FAT3: variants seen among roughly 807,000 people sequenced by gnomAD.
FAT3 encodes protocadherin Fat 3.
In FAT3, 95 loss-of-function variants were observed where a neutral mutation model predicts 310.2. The observed-to-expected ratio is 0.31, with a 90% CI of 0.26 to 0.36. The LOEUF is 0.36. Among genes scored for constraint, FAT3 ranks in the 10% least tolerant of loss-of-function variants. The pLI, the probability that FAT3 is intolerant of heterozygous loss-of-function variation, is 1.00. For synonymous variants in FAT3, 2,314 were observed against 2,192.9 expected (o/e 1.06, Z -1.54); for missense variants, 5,408 against 5,715.6 (o/e 0.95, Z 1.74).
intron 3 of FAT3, among the ~76,000 whole-genome samples, chr11:92,647,793 A>G (rs906085983): frequency 6.6e-6 from 1 of 152,154 alleles, no homozygotes; most frequent in African/African-American, 2.4e-5. Context: ...GGAACGCAGG[A>G]AACAGTAGAC....
intron 19 of FAT3, among the ~76,000 whole-genome samples, chr11:92,854,415 G>C (rs987884403): frequency 1.8e-4 from 28 of 152,258 alleles, no homozygotes; most frequent in African/African-American, 6.5e-4. Flanking sequence ...CAGTAGGGGG[G>C]TGGGGCTCCC....
intron 2 of FAT3, among the ~76,000 whole-genome samples, chr11:92,407,495 G>A (rs1242461258): frequency 6.6e-6 from 1 of 152,144 alleles, no homozygotes; most frequent in African/African-American, 2.4e-5. Flanking sequence ...TTCAGCACTT[G>A]TACCTTTGCT....
chr11:92,345,426 C>T (rs1948388177), intron 1 of FAT3, among the ~76,000 whole-genome samples: 1 of 152,102 alleles, frequency 6.6e-6, no homozygotes, highest in African/African-American at 2.4e-5. Context: ...ATATTTAGAG[C>T]AGTGGTTCTC....
intron 4 of FAT3, among the ~76,000 whole-genome samples, chr11:92,716,857 A>T (rs768243944): frequency 6.6e-6 from 1 of 152,228 alleles, no homozygotes; most frequent in Admixed American, 6.5e-5. Flanking sequence ...GTGAATAACA[A>T]CTGATAGAAC....
intron 2 of FAT3, chr11:92,498,734 A>G (rs1440171017): frequency 1.3e-5 from 2 of 153,164 alleles, no homozygotes; most frequent in Middle Eastern, 6.6e-3. Flanking sequence ...GACTCACCTC[A>G]ATCAGTCCAC....
At chr11:92,743,389 G>A (rs1591672932) in intron 4 of FAT3, among the ~76,000 whole-genome samples, 2 of 152,208 alleles carry the variant, frequency 1.3e-5, no homozygotes, top group African/African-American at 4.8e-5. Context: ...AGGCAATATT[G>A]GAGTCAGGGA....
intron 3 of FAT3, among the ~76,000 whole-genome samples, chr11:92,667,538 G>T (rs1208865567): frequency 6.6e-6 from 1 of 152,220 alleles, no homozygotes; most frequent in Non-Finnish European, 1.5e-5. Context: ...CCCTTTGGAA[G>T]TTTGAAGCCA....
chr11:92,880,322 G>A (rs992076795), intron 22 of FAT3, among the ~76,000 whole-genome samples: 2 of 147,526 alleles, frequency 1.4e-5, no homozygotes, highest in Non-Finnish European at 3.0e-5. Context: ...AGGGGCACAC[G>A]AGATAGGACA....
At chr11:92,411,847 A>G (rs1489009579) in intron 2 of FAT3, among the ~76,000 whole-genome samples, 1 of 151,946 alleles carries the variant, frequency 6.6e-6, no homozygotes, top group Non-Finnish European at 1.5e-5. Context: ...CATATTTTGT[A>G]TAATAGCCTT....
intron 3 of FAT3, among the ~76,000 whole-genome samples, chr11:92,575,957 T>C (rs1264652317): frequency 6.6e-6 from 1 of 152,134 alleles, no homozygotes; most frequent in Non-Finnish European, 1.5e-5. Context: ...CATACTTAGT[T>C]TGAGGTTTAC....
intron 2 of FAT3, among the ~76,000 whole-genome samples, chr11:92,375,701 G>A (rs948374300): frequency 6.6e-6 from 1 of 152,192 alleles, no homozygotes; most frequent in African/African-American, 2.4e-5. Flanking sequence ...TTACTGACAT[G>A]GCTGTAAGTA....
intron 2 of FAT3, among the ~76,000 whole-genome samples, chr11:92,388,567 T>G (rs929895592): frequency 2.0e-5 from 3 of 152,212 alleles, no homozygotes; most frequent in African/African-American, 7.2e-5. Flanking sequence ...CAACAGAATT[T>G]ATTTAGGATT....
chr11:92,559,547 G>C, intron 3 of FAT3: 1 of 286,960 alleles, frequency 3.5e-6, no homozygotes. Context: ...GCCATGCCCA[G>C]CTACTTTTTT....
At chr11:92,574,390 A>G (rs118091893) in intron 3 of FAT3, among the ~76,000 whole-genome samples, 3,961 of 152,228 alleles carry the variant, frequency 0.026, 78 homozygotes, top group Non-Finnish European at 0.042. Flanking sequence ...GTGGCTCCAA[A>G]TGCCTTAACC....
chr11:92,837,212 A>G lies in FAT3; in HGVS notation c.10225-451A>G, dbSNP rs59335390. ...AAAAGGATGACATGGCAATGATGCT[A>G]AAAAGCAGATAGACTCTACTGGGTG... On this transcript the variant is annotated intron_variant, in intron 16 of 27. Coordinates refer to ENST00000525166, the MANE Select transcript of FAT3 (RefSeq NM_001367949.2). 2.6e-4 allele frequency among the ~76,000 whole-genome samples: 40 copies of G among 152,368 alleles called. No individual in the cohort carries two copies. In the East Asian group the frequency reaches 7.5e-3, roughly 29 times the overall value.
At position 92,431,606 on chromosome 11, in the gene FAT3, T is replaced by A. The variant is rs1950780821; in HGVS notation, c.3292+76202T>A. Among the ~76,000 whole-genome samples, 5 of 152,170 alleles carry A rather than the reference T, an allele frequency of 3.3e-5. No individual in the cohort carries two copies. The South Asian group carries it at 1.0e-3, about 32-fold the overall frequency. On this transcript the variant is annotated intron_variant, in intron 2 of 27. Transcript: ENST00000525166. ...TTGCCCATGCCTATGTCCTGAATGG[T>A]ATTGCCTAGGTTTTCTTCTAGGGTT...
At chr11:92,853,762 G>C (rs1448052354) in intron 19 of FAT3, among the ~76,000 whole-genome samples, 1 of 152,182 alleles carries the variant, frequency 6.6e-6, no homozygotes, top group Non-Finnish European at 1.5e-5. Flanking sequence ...ATATCTGTTT[G>C]AGTCTGGCAG....
chr11:92,779,080 G>C (rs148455787), intron 7 of FAT3, among the ~76,000 whole-genome samples: 1 of 152,030 alleles, frequency 6.6e-6, no homozygotes, highest in African/African-American at 2.4e-5. Context: ...TGAAGGAATC[G>C]GTACTGTATC....
Position 92,524,753 on chromosome 11 carries a change from G to T in FAT3, c.3412G>T (p.Val1138Phe). The T allele has an allele frequency of 2.5e-6, 4 of 1,613,800 alleles. No homozygotes were observed. The highest frequency in any genetic ancestry group is 3.4e-6 in the Non-Finnish European group (4 of 1,179,816). ...LYSTIEVYIEVEDVNDNAPLT... is the reference protein window; with the variant it reads ...LYSTIEVYIEFEDVNDNAPLT... The stretch of plus-strand genomic sequence containing the variant: ...CTCCACCATTGAGGTCTACATTGAA[G>T]TTGAAGATGTGAATGACAATGCCCC... Residue 1138 changes from valine (V) to phenylalanine (F), a missense_variant, in exon 3 of 28, where the codon GTT becomes TTT. This residue lies in a region of FAT3 where 4,588 missense variants were observed against 4,809.8 expected (regional missense o/e 0.95). Coordinates refer to ENST00000525166, the MANE Select transcript of FAT3 (RefSeq NM_001367949.2).
Sources: gnomAD v4.1 joint callset for allele counts (sites outside exome capture counted in the v4.1 genomes callset) on GRCh38, gnomAD v4.1.1 for gene constraint, gnomAD v4.1.1 regional missense constraint, MANE v1.5 for transcripts, NCBI Gene and HGNC (gene_info 2026-07-23, HGNC 2026-07-21) for gene names.